The following DPF3 variants were observed in gnomAD, a reference collection of about 807,000 sequenced individuals.
The protein encoded by DPF3 is double PHD fingers 3, also known as zinc finger protein DPF3.
In DPF3, 18 loss-of-function variants were observed where a neutral mutation model predicts 56.8. The ratio of observed to expected loss-of-function variants is 0.32; its 90% CI spans 0.22 to 0.47. The LOEUF (loss-of-function observed/expected upper bound fraction) is 0.47, where lower values mean the gene tolerates loss of function less well. DPF3 is among the 20% of genes least tolerant of loss of function. The pLI, the probability that DPF3 is intolerant of heterozygous loss-of-function variation, is 1.00. For missense variants in DPF3, 403 were observed against 488.8 expected, an observed-to-expected ratio of 0.82 and a Z score of 1.65; for synonymous variants, 188 against 180.2, an observed-to-expected ratio of 1.04 and a Z score of -0.35.
chr14:72,892,503 C>G (rs1237878108), intron 1 of DPF3: 1 of 1,414,474 alleles, frequency 7.1e-7, no homozygotes, highest in African/African-American at 1.5e-5. Flanking sequence ...GGCCTTCCTA[C>G]CCCTTTCCCT....
chr14:72,673,739 G>A (rs189814020), intron 8 of DPF3, among the ~76,000 whole-genome samples: 21 of 152,228 alleles, frequency 1.4e-4, no homozygotes, highest in Admixed American at 6.5e-4. Context: ...GGCCAATGGC[G>A]GTGGTGTTTA....
chr14:72,886,094 G>A (rs553521261), intron 1 of DPF3, among the ~76,000 whole-genome samples: 2 of 152,258 alleles, frequency 1.3e-5, no homozygotes, highest in African/African-American at 4.8e-5. Context: ...CTGGGCAGCT[G>A]GGCACGGTGG....
At chr14:72,797,365 C>T (rs971941587) in intron 1 of DPF3, among the ~76,000 whole-genome samples, 2 of 152,178 alleles carry the variant, frequency 1.3e-5, no homozygotes, top group Non-Finnish European at 2.9e-5. Flanking sequence ...TAAATGGTTG[C>T]TATTTGAAGC....
intron 1 of DPF3, chr14:72,892,218 G>C (rs936654636): frequency 3.3e-6 from 5 of 1,535,310 alleles, no homozygotes; most frequent in Non-Finnish European, 4.4e-6. Context: ...TGTGATTTCG[G>C]CTGGAAATGG....
At chr14:72,670,655 C>G in intron 8 of DPF3, 1 of 990,396 alleles carries the variant, frequency 1.0e-6, no homozygotes, top group Non-Finnish European at 1.2e-6. Flanking sequence ...CTCTCTCTCT[C>G]TCTCGCAAAA....
chr14:72,850,023 G>T (rs1259065150), intron 1 of DPF3, among the ~76,000 whole-genome samples: 1 of 152,118 alleles, frequency 6.6e-6, no homozygotes, highest in Non-Finnish European at 1.5e-5. Flanking sequence ...GGAGGCTGAG[G>T]CTGAAGAATC....
At chr14:72,706,368 C>T (rs930476130) in intron 6 of DPF3, among the ~76,000 whole-genome samples, 5 of 152,162 alleles carry the variant, frequency 3.3e-5, no homozygotes, top group East Asian at 1.9e-4. Flanking sequence ...AATTAAATAC[C>T]GCCCCGGCAG....
chr14:72,640,277 C>T (rs1441190095), intron 8 of DPF3, among the ~76,000 whole-genome samples: 1 of 152,060 alleles, frequency 6.6e-6, no homozygotes, highest in Non-Finnish European at 1.5e-5. Context: ...ACAGTGGGGA[C>T]TCCTCGGAGG....
chr14:72,698,324 T>C (rs1380764913), intron 6 of DPF3, among the ~76,000 whole-genome samples: 1 of 152,234 alleles, frequency 6.6e-6, no homozygotes, highest in South Asian at 2.1e-4. Flanking sequence ...TTCAATGCTT[T>C]ATTCTAAAAT....
intron 1 of DPF3, among the ~76,000 whole-genome samples, chr14:72,837,286 C>A (rs1415198287): frequency 6.6e-6 from 1 of 152,190 alleles, no homozygotes; most frequent in African/African-American, 2.4e-5. Context: ...AAACTCTTTC[C>A]TAAATGATCA....
chr14:72,684,004 T>G (rs1041948185), intron 7 of DPF3, among the ~76,000 whole-genome samples: 2 of 152,160 alleles, frequency 1.3e-5, no homozygotes, highest in African/African-American at 4.8e-5. Context: ...GTGATGAAAG[T>G]GTTGAGAGCA....
At chr14:72,867,508 C>A (rs910109399) in intron 1 of DPF3, among the ~76,000 whole-genome samples, 1 of 152,162 alleles carries the variant, frequency 6.6e-6, no homozygotes, top group Middle Eastern at 3.4e-3. Flanking sequence ...CCTCTCTGGC[C>A]GATAGATGGT....
chr14:72,792,431 G>GA (rs1555507425), intron 1 of DPF3, among the ~76,000 whole-genome samples: 2 of 152,104 alleles, frequency 1.3e-5, no homozygotes, highest in Admixed American at 6.5e-5. Context: ...AAGAAAAAAA[G>GA]AAAGAAAAGA....
intron 6 of DPF3, among the ~76,000 whole-genome samples, chr14:72,701,589 G>T (rs181120579): frequency 3.1e-3 from 470 of 152,302 alleles, no homozygotes; most frequent in Middle Eastern, 6.8e-3. Flanking sequence ...GGGGCAGCTT[G>T]TGTGAACAAA....
intron 1 of DPF3, among the ~76,000 whole-genome samples, chr14:72,824,760 T>C (rs1188537203): frequency 6.6e-6 from 1 of 152,044 alleles, no homozygotes; most frequent in Non-Finnish European, 1.5e-5. Context: ...TTAGTAGAGA[T>C]GGGGTTTCAC....
At chr14:72,739,418 G>A (rs1890038413) in intron 3 of DPF3, among the ~76,000 whole-genome samples, 1 of 152,172 alleles carries the variant, frequency 6.6e-6, no homozygotes, top group South Asian at 2.1e-4. Flanking sequence ...GGCCAAAGGA[G>A]ATAATACATA....
intron 1 of DPF3, among the ~76,000 whole-genome samples, chr14:72,868,462 T>C (rs1305731983): frequency 6.6e-6 from 1 of 152,194 alleles, no homozygotes; most frequent in East Asian, 1.9e-4. Flanking sequence ...GTGCTGAAAC[T>C]TTCCAGGACA....
intron 6 of DPF3, among the ~76,000 whole-genome samples, chr14:72,703,129 G>C (rs1888247875): frequency 6.6e-6 from 1 of 152,140 alleles, no homozygotes; most frequent in Non-Finnish European, 1.5e-5. Flanking sequence ...ATAGGAAAAT[G>C]ATGAGGCTCC....
intron 1 of DPF3, among the ~76,000 whole-genome samples, chr14:72,855,589 C>T (rs1291166535): frequency 1.3e-5 from 2 of 152,186 alleles, no homozygotes; most frequent in Non-Finnish European, 2.9e-5. Flanking sequence ...AACGCCTTGT[C>T]ATGCCTTCCC....
Sources: gnomAD v4.1 joint callset for allele counts (sites outside exome capture counted in the v4.1 genomes callset) on GRCh38, gnomAD v4.1.1 for gene constraint, MANE v1.5 for transcripts, NCBI Gene and HGNC (gene_info 2026-07-23, HGNC 2026-07-21) for gene names.